CCDC7: variants seen among roughly 807,000 people sequenced by gnomAD.
CCDC7 encodes coiled-coil domain containing 7, also known as coiled-coil domain-containing protein 7.
CCDC7 carries 183 observed loss-of-function variants against 196.9 expected under a neutral mutation model. The observed-to-expected ratio is 0.93, with a 90% confidence interval of 0.82 to 1.05. The LOEUF is 1.05. Among genes scored for constraint, CCDC7 ranks in the 50% least tolerant of loss-of-function variants. The pLI is 0.00. For missense variants in CCDC7, 1,540 were observed against 1,482.2 expected (o/e 1.04, Z -0.64); for synonymous variants, 525 against 484.6 (o/e 1.08, Z -1.10).
chr10:32,518,787 A>C (rs898974413), intron 11 of CCDC7, among the ~76,000 whole-genome samples: 1 of 152,136 alleles, frequency 6.6e-6, no homozygotes, highest in African/African-American at 2.4e-5. Flanking sequence ...TAGTTTTCAA[A>C]TATATTGTAA....
intron 4 of CCDC7, 100 bp downstream of exon 5, chr10:32,462,803 T>C: frequency 6.2e-6 from 8 of 1,284,770 alleles, no homozygotes; most frequent in Non-Finnish European, 7.4e-6. Context: ...TAGAAGGAAT[T>C]CCATACTTGC....
Position 32,721,761 on chromosome 10 carries a change from T to C in CCDC7, c.2570-4973T>C, listed in dbSNP as rs1016131286. On this transcript the variant is annotated intron_variant, in intron 25 of 41. Transcript: ENST00000639629. ...TTCTTGGGCTAGCTGTGTTGCTGCA[T>C]GTGGGTCAACAGGGCAACAGTTTTT... Among the ~76,000 whole-genome samples, 13 of 152,296 alleles carry C rather than the reference T, an allele frequency of 8.5e-5. No homozygotes were observed. The East Asian group carries it at 2.3e-3, about 27-fold the overall frequency.
intron 11 of CCDC7, among the ~76,000 whole-genome samples, chr10:32,536,273 G>T (rs1243855167): frequency 2.0e-5 from 3 of 152,068 alleles, no homozygotes; most frequent in African/African-American, 7.2e-5. Context: ...TCAGACCCCT[G>T]CAGAAATTAC....
chr10:32,517,972 T>C lies in CCDC7; in HGVS notation c.900T>C (p.Asp300=), dbSNP rs767650503. Residue 300 remains aspartate, a synonymous_variant, in exon 10 of 42, where the codon GAT becomes GAC. Coordinates refer to ENST00000639629, the Ensembl canonical transcript of CCDC7. ...CTGTAAATGATCAAGTTTTGTTAGA[T>C]GCTGTAAGTATAGTACTCTCAATTT... 28 of 1,587,708 alleles carry C rather than the reference T, an allele frequency of 1.8e-5. No individual in the cohort carries two copies. In the South Asian group the frequency reaches 3.1e-4, roughly 18 times the overall value.
chr10:32,563,716 T>A (rs1246810932), intron 13 of CCDC7, among the ~76,000 whole-genome samples: 3 of 152,048 alleles, frequency 2.0e-5, no homozygotes, highest in African/African-American at 7.2e-5. Flanking sequence ...AACCTAGGCA[T>A]TACCATTCAG....
chr10:32,872,634 C>T (rs1265606348), intron 41 of CCDC7, among the ~76,000 whole-genome samples: 9 of 151,420 alleles, frequency 5.9e-5, no homozygotes, highest in Non-Finnish European at 1.3e-4. Context: ...TTCCTAGCAT[C>T]GATGGTCTTT....
At chr10:32,677,273 A>G (rs2075155720) in intron 21 of CCDC7, among the ~76,000 whole-genome samples, 1 of 150,920 alleles carries the variant, frequency 6.6e-6, no homozygotes. Flanking sequence ...CTAAATGACG[A>G]GTTAATGGGT....
intron 13 of CCDC7, among the ~76,000 whole-genome samples, chr10:32,556,263 A>G (rs1049149788): frequency 5.9e-5 from 9 of 152,226 alleles, no homozygotes; most frequent in African/African-American, 1.9e-4. Context: ...TCGTTAGAAT[A>G]TAGACTAGGC....
intron 18 of CCDC7, among the ~76,000 whole-genome samples, chr10:32,626,330 T>C (rs1392101616): frequency 6.6e-6 from 1 of 152,066 alleles, no homozygotes; most frequent in Non-Finnish European, 1.5e-5. Context: ...TGTTGAGCTT[T>C]AAAAATATAT....
At chr10:32,687,025 G>A (rs956698564) in intron 22 of CCDC7, among the ~76,000 whole-genome samples, 2 of 152,184 alleles carry the variant, frequency 1.3e-5, no homozygotes, top group Non-Finnish European at 1.5e-5. Flanking sequence ...GCTGAAAAGG[G>A]CATTTGCTAT....
chr10:32,445,758 A>T (rs1255469693), upstream of CCDC7, among the ~76,000 whole-genome samples: 1 of 152,140 alleles, frequency 6.6e-6, no homozygotes, highest in East Asian at 1.9e-4. Flanking sequence ...CTTCCGTGCG[A>T]GCTTAGAGTG....
chr10:32,721,239 A>G (rs570612852), intron 25 of CCDC7, among the ~76,000 whole-genome samples: 4 of 152,316 alleles, frequency 2.6e-5, no homozygotes, highest in African/African-American at 7.2e-5. Flanking sequence ...GTATCCACCA[A>G]TGTCCAATAA....
At chr10:32,760,199 G>T (rs1327432696) in intron 28 of CCDC7, among the ~76,000 whole-genome samples, 1 of 151,876 alleles carries the variant, frequency 6.6e-6, no homozygotes, top group Non-Finnish European at 1.5e-5. Context: ...ATTCCTCAGG[G>T]ATCTAGAACT....
At chr10:32,557,087 A>AAAATG (rs1284333597) in intron 13 of CCDC7, among the ~76,000 whole-genome samples, 1 of 152,236 alleles carries the variant, frequency 6.6e-6, no homozygotes, top group African/African-American at 2.4e-5. Context: ...CAATGAGAAT[A>AAAATG]AAATGTAGAT....
intron 27 of CCDC7, 53 bp from the exon 29 acceptor site, chr10:32,729,279 G>T: frequency 4.1e-6 from 6 of 1,465,768 alleles, no homozygotes; most frequent in Non-Finnish European, 3.7e-6. Flanking sequence ...AAATTCTGAT[G>T]ATTACTTGGC....
At chr10:32,724,484 A>G (rs543512056) in intron 25 of CCDC7, among the ~76,000 whole-genome samples, 1 of 152,198 alleles carries the variant, frequency 6.6e-6, no homozygotes, top group South Asian at 2.1e-4. Flanking sequence ...CTACACAGGA[A>G]AGGGCCCAGC....
At chr10:32,799,262 TC>T (rs2084277129) in intron 29 of CCDC7, among the ~76,000 whole-genome samples, 1 of 152,096 alleles carries the variant, frequency 6.6e-6, no homozygotes, top group Admixed American at 6.5e-5. Context: ...AGGGCCTTGC[TC>T]CAAAATCCGA....
At chr10:32,762,181 C>G (rs1251890818) in intron 28 of CCDC7, among the ~76,000 whole-genome samples, 2 of 151,928 alleles carry the variant, frequency 1.3e-5, no homozygotes, top group Non-Finnish European at 2.9e-5. Flanking sequence ...TTTACAGTTT[C>G]TGTCAGAAGG....
intron 5 of CCDC7, among the ~76,000 whole-genome samples, chr10:32,464,135 G>C (rs1409611676): frequency 6.6e-6 from 1 of 151,994 alleles, no homozygotes; most frequent in Non-Finnish European, 1.5e-5. Context: ...TCACTTTCTT[G>C]ACTTCCTCAT....
Sources: gnomAD v4.1 joint callset for allele counts (sites outside exome capture counted in the v4.1 genomes callset) on GRCh38, gnomAD v4.1.1 for gene constraint, MANE v1.5 for transcripts, NCBI Gene and HGNC (gene_info 2026-07-23, HGNC 2026-07-21) for gene names.